The following CSMD3 variants were observed in gnomAD, a reference collection of about 807,000 sequenced individuals.
CSMD3 encodes the protein CUB and sushi domain-containing protein 3.
In CSMD3, 177 loss-of-function variants were observed where a neutral mutation model predicts 435.2. The observed-to-expected ratio is 0.41, with a 90% CI of 0.36 to 0.46. The LOEUF (loss-of-function observed/expected upper bound fraction) is 0.46. Ranked by LOEUF, CSMD3 falls within the 20% of genes least tolerant of loss-of-function variation. The pLI is 0.34. For missense variants in CSMD3, 4,265 were observed against 4,504.6 expected, an observed-to-expected ratio of 0.95 and a Z score of 1.52; for synonymous variants, 1,656 against 1,520.5, an observed-to-expected ratio of 1.09 and a Z score of -2.07.
intron 18 of CSMD3, among the ~76,000 whole-genome samples, chr8:112,652,042 A>G (rs948031042): frequency 6.6e-6 from 1 of 152,156 alleles, no homozygotes; most frequent in Admixed American, 6.5e-5. Context: ...AATTTATTCT[A>G]TATAAAATGT....
At chr8:112,746,443 T>G (rs1411582464) in intron 13 of CSMD3, among the ~76,000 whole-genome samples, 4 of 152,104 alleles carry the variant, frequency 2.6e-5, no homozygotes, top group Non-Finnish European at 5.9e-5. Flanking sequence ...CCATGTGGTA[T>G]TCTGTGACTC....
At chr8:112,617,774 C>T (rs905059989) in intron 22 of CSMD3, among the ~76,000 whole-genome samples, 11 of 151,996 alleles carry the variant, frequency 7.2e-5, no homozygotes, top group Non-Finnish European at 1.5e-4. Flanking sequence ...CTTTCTATTC[C>T]AAGCTTTCAG....
At chr8:112,821,936 G>A (rs1228080035) in intron 12 of CSMD3, among the ~76,000 whole-genome samples, 1 of 152,070 alleles carries the variant, frequency 6.6e-6, no homozygotes, top group Non-Finnish European at 1.5e-5. Context: ...TTTTTGTTAG[G>A]TTTGTTGAAG....
At chr8:113,232,283 A>G (rs936826640) in intron 3 of CSMD3, among the ~76,000 whole-genome samples, 1 of 151,700 alleles carries the variant, frequency 6.6e-6, no homozygotes, top group Non-Finnish European at 1.5e-5. Flanking sequence ...CAGATTTAGG[A>G]AAAATAAGTT....
intron 5 of CSMD3, among the ~76,000 whole-genome samples, chr8:113,043,474 C>T (rs889073835): frequency 1.3e-5 from 2 of 152,158 alleles, no homozygotes; most frequent in Non-Finnish European, 2.9e-5. Context: ...AACTTCAGAG[C>T]TCAGTATCCT....
chr8:112,307,660 T>C (rs1821576150), intron 50 of CSMD3, among the ~76,000 whole-genome samples: 1 of 152,150 alleles, frequency 6.6e-6, no homozygotes, highest in Admixed American at 6.6e-5. Flanking sequence ...TATTTGAATA[T>C]GAGTGTCATT....
intron 13 of CSMD3, among the ~76,000 whole-genome samples, chr8:112,751,628 GT>G (rs1268656186): frequency 9.9e-4 from 133 of 133,686 alleles, no homozygotes; most frequent in African/African-American, 3.0e-3. Flanking sequence ...AGAAGTTTAG[GT>G]TTTTTTTTTT....
intron 6 of CSMD3, among the ~76,000 whole-genome samples, chr8:112,991,209 T>C (rs1192071649): frequency 1.3e-5 from 2 of 151,556 alleles, no homozygotes; most frequent in Non-Finnish European, 2.9e-5. Flanking sequence ...AATATATATA[T>C]ATAGTTGCTG....
chr8:113,239,618 G>C (rs2093190592), intron 3 of CSMD3, among the ~76,000 whole-genome samples: 2 of 151,990 alleles, frequency 1.3e-5, no homozygotes. Flanking sequence ...TCTGTAACAA[G>C]TATCTAAATA....
chr8:112,599,173 GAA>G (rs756080621), intron 22 of CSMD3, among the ~76,000 whole-genome samples: 3 of 135,772 alleles, frequency 2.2e-5, no homozygotes, highest in Non-Finnish European at 4.7e-5. Context: ...AAATTTAAAA[GAA>G]AAAAAAAACA....
intron 58 of CSMD3, 115 bp from the exon 59 acceptor site, chr8:112,281,465 T>C (rs1818633551): frequency 1.6e-5 from 13 of 807,256 alleles, no homozygotes; most frequent in Middle Eastern, 5.3e-4. Flanking sequence ...TAAAAACTTC[T>C]AAAATAAGTA....
intron 5 of CSMD3, among the ~76,000 whole-genome samples, chr8:113,070,008 GAGTT>G (rs2089037881): frequency 6.6e-6 from 1 of 152,078 alleles, no homozygotes; most frequent in African/African-American, 2.4e-5. Flanking sequence ...TGAGATGCTG[GAGTT>G]AATTTGTTTC....
chr8:112,767,400 A>G (rs1400479087), intron 13 of CSMD3, among the ~76,000 whole-genome samples: 1 of 151,750 alleles, frequency 6.6e-6, no homozygotes, highest in African/African-American at 2.4e-5. Flanking sequence ...AATTACCGAC[A>G]ATTTATTAGC....
At chr8:112,260,256 T>A (rs1816250550) in intron 61 of CSMD3, among the ~76,000 whole-genome samples, 2 of 152,158 alleles carry the variant, frequency 1.3e-5, no homozygotes, top group Admixed American at 1.3e-4. Flanking sequence ...TGAACTTCAA[T>A]CCATACTCTG....
rs78851141 is a variant in CSMD3, at chr8:112,738,262, G to C, written c.1973-48212C>G. ...ATAAAGTTGAAGTCTGCATCTCAAAGATTGATTAAATAATCCTTTCGAAGT... is the reference window on the plus strand; with the variant it reads ...ATAAAGTTGAAGTCTGCATCTCAAACATTGATTAAATAATCCTTTCGAAGT... On this transcript the variant is annotated intron_variant, in intron 13 of 70. Coordinates refer to ENST00000297405, the MANE Select transcript of CSMD3 (RefSeq NM_198123.2). 7.6e-4 allele frequency among the ~76,000 whole-genome samples: 116 copies of C among 151,800 alleles called. No individual in the cohort carries two copies. The East Asian group carries it at 0.017, about 23-fold the overall frequency.
intron 22 of CSMD3, among the ~76,000 whole-genome samples, chr8:112,627,157 A>G (rs750580227): frequency 1.6e-4 from 25 of 152,194 alleles, no homozygotes; most frequent in Non-Finnish European, 3.4e-4. Context: ...AAAGTTGATG[A>G]ATATCATACT....
At chr8:112,464,490 T>C (rs754870831) in intron 32 of CSMD3, among the ~76,000 whole-genome samples, 1 of 152,046 alleles carries the variant, frequency 6.6e-6, no homozygotes, top group Non-Finnish European at 1.5e-5. Flanking sequence ...TAATTATGAT[T>C]AATAATTAAT....
intron 28 of CSMD3, among the ~76,000 whole-genome samples, chr8:112,515,884 T>C (rs1307556301): frequency 6.6e-6 from 1 of 152,020 alleles, no homozygotes; most frequent in East Asian, 1.9e-4. Flanking sequence ...GCAAAGTAAG[T>C]TCATAGGAAC....
intron 20 of CSMD3, among the ~76,000 whole-genome samples, chr8:112,641,377 T>A (rs2074820811): frequency 6.6e-6 from 1 of 152,118 alleles, no homozygotes; most frequent in Non-Finnish European, 1.5e-5. Context: ...AATATAAATA[T>A]TTAGAAGACT....
Sources: gnomAD v4.1 joint callset for allele counts (sites outside exome capture counted in the v4.1 genomes callset) on GRCh38, gnomAD v4.1.1 for gene constraint, MANE v1.5 for transcripts, NCBI Gene and HGNC (gene_info 2026-07-23, HGNC 2026-07-21) for gene names.